Variants in EMC10 observed in about 807,000 individuals in gnomAD.
EMC10 encodes ER membrane protein complex subunit 10.
A neutral mutation model predicts 32.2 loss-of-function variants in EMC10; 40 were observed. The observed-to-expected ratio is 1.24, with a 90% CI of 0.96 to 1.61. The LOEUF is 1.61. EMC10 is among the 40% of genes most tolerant of loss of function. EMC10 has a pLI of 0.00. For synonymous variants in EMC10, 178 were observed against 158.4 expected (o/e 1.12, Z -0.93); for missense variants, 402 against 357.7 (o/e 1.12, Z -1.00).
In EMC10 at chr19:50,484,017, G is replaced by GCTTTTTTTTTTTT. The variant is rs2040362387; in HGVS notation, c.*1759_*1771dup. On this transcript the variant is annotated 3_prime_UTR_variant, in exon 7 of 7. Coordinates refer to ENST00000334976, the MANE Select transcript of EMC10 (RefSeq NM_206538.4). Reference sequence around the variant, plus strand: ...GAGGATTCCAGAAATATTTACTAATGCTTTTTTTTTTTTTTTTTTTTTTTT... The same window carrying GCTTTTTTTTTTTT: ...GAGGATTCCAGAAATATTTACTAATGCTTTTTTTTTTTTCTTTTTTTTTTTTTTTTTTTTTTTT... The GCTTTTTTTTTTTT allele has an allele frequency of 1.6e-5, 1 of 61,250 alleles. No individual in the cohort carries two copies. The highest frequency in any genetic ancestry group is 7.3e-5 in the African/African-American group (1 of 13,680). The allele number at this position is 61,250 out of a possible 1,614,324, so 3.8% of individuals were successfully genotyped here.
chr19:50,480,585 C>G lies in EMC10; in HGVS notation c.407C>G (p.Ser136Cys). The change falls in exon 5 of 7, where the codon TCC becomes TGC. Residue 136 changes from serine to cysteine, a missense_variant. Physicochemically the swap from Ser to Cys is moderately radical, Grantham distance 112. Transcript: ENST00000334976. The surrounding 1 kb of genome is among the most constrained non-coding windows in gnomAD (Gnocchi z 4.4). ...GYVSSFVPAC[S>C]LVESHLSDQL... ...CTGACCCCACTCCCCCCACAGTGCT[C>G]CCTGGTGGAGTCGCACCTGTCGGAC... The G allele has an allele frequency of 6.4e-7, 1 of 1,554,530 alleles. No homozygotes were observed. Among genetic ancestry groups the G allele is most frequent in the Admixed American group, 1.9e-5 (1 of 51,490 alleles).
intron 6 of EMC10, 34 bp downstream of exon 6, chr19:50,481,011 T>C (rs1466872762): frequency 6.5e-7 from 1 of 1,537,324 alleles, no homozygotes; most frequent in South Asian, 1.2e-5. Context: ...CCTATTCCCT[T>C]CCTGACAGTC....
At position 50,480,291 on chromosome 19, in the gene EMC10, C is replaced by G; in HGVS notation, c.402+76C>G. ...CTACCCTGGTCCTGCTTCCACCATT[C>G]GAACCCCTGTGTTTCTGGAGCCCGC... On this transcript the variant is annotated intron_variant, in intron 4 of 6. Coordinates refer to ENST00000334976, the MANE Select transcript of EMC10 (RefSeq NM_206538.4). This position sits in a 1 kb window ranked among gnomAD's most constrained non-coding sequence, Gnocchi z 4.4. 1.4e-6 allele frequency: 2 copies of G among 1,420,390 alleles called. No individual in the cohort carries two copies. The highest frequency in any genetic ancestry group is 1.9e-6 in the Non-Finnish European group (2 of 1,027,796). 88.0% of individuals were successfully genotyped at this position (1,420,390 alleles called of 1,614,324 possible). A position where few individuals can be genotyped will look rare whatever the true frequency, so the allele number is the denominator to read the frequency against.
chr19:50,483,438 G>C lies in EMC10; in HGVS notation c.*1179G>C, dbSNP rs574141630. On this transcript the variant is annotated 3_prime_UTR_variant, in exon 7 of 7. Coordinates refer to ENST00000334976, the MANE Select transcript of EMC10 (RefSeq NM_206538.4). The stretch of plus-strand genomic sequence containing the variant: ...TCTTGGGTGTGGTTTGAATGATCTC[G>C]GGATGCATGACTAAAATGGAATTAC... 1 of 171,642 alleles carries C rather than the reference G, an allele frequency of 5.8e-6. No homozygotes were observed. Among genetic ancestry groups the C allele is most frequent in the Non-Finnish European group, 1.3e-5 (1 of 79,824 alleles). The allele number at this position is 171,642 out of a possible 1,614,324, so 10.6% of individuals were successfully genotyped here. A position where few individuals can be genotyped will look rare whatever the true frequency, so the allele number is the denominator to read the frequency against.
chr19:50,483,182 C>G lies in EMC10; in HGVS notation c.*923C>G, dbSNP rs1363982161. On this transcript the variant is annotated 3_prime_UTR_variant, in exon 7 of 7. Transcript: ENST00000334976. ...TACAGCTTCCAGCAGCCAAAAGCAA[C>G]TGTTGTTTTGGCAAGACGGTCCTGA... 1 of 454,026 alleles carries G rather than the reference C, an allele frequency of 2.2e-6. No individual in the cohort carries two copies. Among genetic ancestry groups the G allele is most frequent in the Non-Finnish European group, 4.4e-6 (1 of 225,254 alleles). The allele number at this position is 454,026 out of a possible 1,614,324, so 28.1% of individuals were successfully genotyped here.
chr19:50,478,826 G>T (rs886712085), intron 2 of EMC10, 131 bp from the exon 3 acceptor site: 105 of 659,798 alleles, frequency 1.6e-4, no homozygotes, highest in Non-Finnish European at 2.6e-4. Flanking sequence ...CAAAATGGGG[G>T]CCCAGATGGG....
chr19:50,480,037 G>T lies in EMC10; in HGVS notation c.298-74G>T. 1 of 1,256,236 alleles carries T rather than the reference G, an allele frequency of 8.0e-7. No individual in the cohort carries two copies. Among genetic ancestry groups the T allele is most frequent in the Non-Finnish European group, 1.1e-6 (1 of 897,540 alleles). The allele number at this position is 1,256,236 out of a possible 1,614,324, so 77.8% of individuals were successfully genotyped here. A position where few individuals can be genotyped will look rare whatever the true frequency, so the allele number is the denominator to read the frequency against. On this transcript the variant is annotated intron_variant, in intron 3 of 6. Coordinates refer to ENST00000334976, the MANE Select transcript of EMC10 (RefSeq NM_206538.4). This position sits in a 1 kb window ranked among gnomAD's most constrained non-coding sequence, Gnocchi z 4.4. ...GGGGCTGGAGAGGGGCCTTCGCGGA[G>T]GCCTGGTGGGCATCACAGCCTGTCC...
intron 3 of EMC10, among the ~76,000 whole-genome samples, 188 bp from the exon 4 acceptor site, chr19:50,479,923 C>T (rs995291391): frequency 1.3e-4 from 20 of 152,194 alleles, no homozygotes; most frequent in Non-Finnish European, 2.4e-4. Context: ...CTGCTCCTGG[C>T]CTCACCCACC....
Position 50,480,217 on chromosome 19 carries a change from T to A in EMC10, c.402+2T>A. 1 of 1,612,642 alleles carries A rather than the reference T, an allele frequency of 6.2e-7. No individual in the cohort carries two copies. The highest frequency in any genetic ancestry group is 1.7e-5 in the Admixed American group (1 of 59,864). ...TATGTCTCCTCCTTTGTCCCTGCGG[T>A]GAGTTGGTGTCGGGGATGAGCCCCC... On this transcript the variant is annotated splice_donor_variant, in intron 4 of 6. Transcript: ENST00000334976. LOFTEE classifies it high-confidence loss of function. This position sits in a 1 kb window ranked among gnomAD's most constrained non-coding sequence, Gnocchi z 4.4.
Position 50,480,489 on chromosome 19 carries a change from G to C in EMC10, c.403-92G>C. 1 of 1,434,686 alleles carries C rather than the reference G, an allele frequency of 7.0e-7. No individual in the cohort carries two copies. The highest frequency in any genetic ancestry group is 9.4e-7 in the Non-Finnish European group (1 of 1,067,000). The allele number at this position is 1,434,686 out of a possible 1,614,324, so 88.9% of individuals were successfully genotyped here. A position where few individuals can be genotyped will look rare whatever the true frequency, so the allele number is the denominator to read the frequency against. On this transcript the variant is annotated intron_variant, in intron 4 of 6. Coordinates refer to ENST00000334976, the MANE Select transcript of EMC10 (RefSeq NM_206538.4). The surrounding 1 kb of genome is among the most constrained non-coding windows in gnomAD (Gnocchi z 4.4). ...GAGCCATGGGAAGGTTTTGAAAAAT[G>C]CTCCGGGGGTCCTGTGGTGGGGGCC...
chr19:50,477,460 C>T (rs1434100900), intron 1 of EMC10, among the ~76,000 whole-genome samples: 1 of 152,088 alleles, frequency 6.6e-6, no homozygotes, highest in Non-Finnish European at 1.5e-5. Context: ...TGAGTTTTGT[C>T]TCCTAAATAT....
rs1978380993 is a variant in EMC10 at position 50,486,971 on chromosome 19, C to G, written c.*4712C>G. 6.6e-6 allele frequency: 1 copy of G among 152,066 alleles called. No individual in the cohort carries two copies. Among genetic ancestry groups the G allele is most frequent in the Non-Finnish European group, 1.5e-5 (1 of 68,022 alleles). 9.4% of individuals were successfully genotyped at this position (152,066 alleles called of 1,614,324 possible). ...TTTGTTGAGATCATTCTCGGTGTCT[C>G]ATATAGCTGGGTTGCAGCTCCGTTC... On this transcript the variant is annotated 3_prime_UTR_variant, in exon 7 of 7. Transcript: ENST00000334976.
At chr19:50,477,599 T>C (rs1199526520) in intron 1 of EMC10, among the ~76,000 whole-genome samples, 2 of 152,156 alleles carry the variant, frequency 1.3e-5, no homozygotes, top group African/African-American at 2.4e-5. Flanking sequence ...ATTTGAATAT[T>C]AGCATGAAAA....
In EMC10 at chr19:50,487,913, A is replaced by C. The variant is rs981832886; in HGVS notation, c.*5654A>C. On this transcript the variant is annotated 3_prime_UTR_variant, in exon 7 of 7. Coordinates refer to ENST00000334976, the MANE Select transcript of EMC10 (RefSeq NM_206538.4). ...GGGAGGTGAGAAGAGGAAGAGGCAGATTCAGAGGAGAGAGGAGAGAAAAGA... is the reference window on the plus strand; with the variant it reads ...GGGAGGTGAGAAGAGGAAGAGGCAGCTTCAGAGGAGAGAGGAGAGAAAAGA... The C allele has an allele frequency of 5.9e-5, 9 of 152,376 alleles. No individual in the cohort carries two copies. The highest frequency in any genetic ancestry group is 1.9e-4 in the African/African-American group (8 of 41,292). The allele number at this position is 152,376 out of a possible 1,614,324, so 9.4% of individuals were successfully genotyped here. A position where few individuals can be genotyped will look rare whatever the true frequency, so the allele number is the denominator to read the frequency against.
Position 50,480,687 on chromosome 19 carries a change from G to A in EMC10, c.509G>A (p.Gly170Asp), listed in dbSNP as rs2122661206. 4.4e-6 allele frequency: 7 copies of A among 1,603,506 alleles called. No homozygotes were observed. The East Asian group carries it at 1.6e-4, about 36-fold the overall frequency. Residue 170 changes from glycine (G) to aspartate (D), a missense_variant, in exon 5 of 7, where the codon GGC becomes GAC. By Grantham distance (94) the Gly-to-Asp change is moderately conservative. Transcript: ENST00000334976. The surrounding 1 kb of genome is among the most constrained non-coding windows in gnomAD (Gnocchi z 4.4). ...SVVTHPGGCR[G>D]HEVEDVDLEL... ...GTGACGCACCCCGGGGGCTGCCGGG[G>A]CCATGAGGTGGAGGACGTGGACCTG...
chr19:50,476,777 A>G, intron 1 of EMC10, 119 bp downstream of exon 1: 1 of 661,930 alleles, frequency 1.5e-6, no homozygotes. Flanking sequence ...GAGGTGGGAG[A>G]TCCCTGGAAA....
rs1568685822 is a variant in EMC10, at chr19:50,480,460, CAG to C, written c.403-120_403-119del. 3 of 1,242,418 alleles carry C rather than the reference CAG, an allele frequency of 2.4e-6. No homozygotes were observed. The highest frequency in any genetic ancestry group is 3.3e-6 in the Non-Finnish European group (3 of 899,292). The allele number at this position is 1,242,418 out of a possible 1,614,324, so 77.0% of individuals were successfully genotyped here. A position where few individuals can be genotyped will look rare whatever the true frequency, so the allele number is the denominator to read the frequency against. The stretch of plus-strand genomic sequence containing the variant: ...CGGTTGAACTTGGGCCTGAGGGTAA[CAG>C]GGAGCCATGGGAAGGTTTTGAAAAA... On this transcript the variant is annotated intron_variant, in intron 4 of 6. Transcript: ENST00000334976. This position sits in a 1 kb window ranked among gnomAD's most constrained non-coding sequence, Gnocchi z 4.4.
chr19:50,476,819 G>T, intron 1 of EMC10, 161 bp downstream of exon 1: 1 of 543,326 alleles, frequency 1.8e-6, no homozygotes, highest in Non-Finnish European at 3.2e-6. Flanking sequence ...CGCAGGAGGG[G>T]CCTCGCCAGT....
rs756200046 is a variant in EMC10, at chr19:50,480,982, G to A, written c.678+5G>A. 6.2e-6 allele frequency: 10 copies of A among 1,605,582 alleles called. No homozygotes were observed. The highest frequency in any genetic ancestry group is 8.5e-6 in the Non-Finnish European group (10 of 1,174,386). On this transcript the variant is annotated splice_donor_5th_base_variant and intron_variant, in intron 6 of 6. Coordinates refer to ENST00000334976, the MANE Select transcript of EMC10 (RefSeq NM_206538.4). The surrounding 1 kb of genome is among the most constrained non-coding windows in gnomAD (Gnocchi z 4.4). ...AAGTCCTTCTTCGCCAAATACGTGA[G>A]TGGGGCTCCCCCGCCTCCCCTATTC...
Sources: allele counts gnomAD v4.1 joint callset (sites outside exome capture counted in the v4.1 genomes callset), GRCh38; gene constraint gnomAD v4.1.1; non-coding constraint Gnocchi (gnomAD v3.1); transcripts MANE v1.5; gene names NCBI Gene and HGNC (gene_info 2026-07-23, HGNC 2026-07-21).